PTPRD: variants seen among roughly 807,000 people sequenced by gnomAD.
PTPRD encodes receptor-type tyrosine-protein phosphatase delta.
PTPRD carries 34 observed loss-of-function variants against 214.5 expected under a neutral mutation model. That is an observed-to-expected ratio of 0.16 (90% CI 0.12 to 0.21). The LOEUF (loss-of-function observed/expected upper bound fraction) is 0.21, where lower values mean the gene tolerates loss of function less well. Among genes scored for constraint, PTPRD ranks in the 10% least tolerant of loss-of-function variants. The pLI is 1.00. For missense variants in PTPRD, 2,545 were observed against 2,398.7 expected, an observed-to-expected ratio of 1.06 and a Z score of -1.27; for synonymous variants, 1,128 against 845.7, an observed-to-expected ratio of 1.33 and a Z score of -5.79.
intron 4 of PTPRD, among the ~76,000 whole-genome samples, chr9:10,017,850 A>G (rs1374403546): frequency 1.3e-5 from 2 of 152,078 alleles, no homozygotes; most frequent in African/African-American, 2.4e-5. Flanking sequence ...GAATGCCCTC[A>G]TGTAAAATTG....
At chr9:8,844,484 T>C (rs945016235) in intron 11 of PTPRD, among the ~76,000 whole-genome samples, 1 of 152,234 alleles carries the variant, frequency 6.6e-6, no homozygotes, top group East Asian at 1.9e-4. Flanking sequence ...TTTAAAGGTT[T>C]CTATCATTTT....
At chr9:9,709,720 C>T (rs142589199) in intron 7 of PTPRD, among the ~76,000 whole-genome samples, 1 of 151,862 alleles carries the variant, frequency 6.6e-6, no homozygotes, top group Non-Finnish European at 1.5e-5. Context: ...CTTAAAGGGG[C>T]AAATTTTTAT....
At chr9:10,352,280 A>C (rs1244399608) in intron 2 of PTPRD, among the ~76,000 whole-genome samples, 2 of 151,736 alleles carry the variant, frequency 1.3e-5, no homozygotes, top group Non-Finnish European at 2.9e-5. Context: ...TTATACAAAC[A>C]CTCCTGCTGA....
At chr9:8,989,115 G>A (rs1002589608) in intron 11 of PTPRD, among the ~76,000 whole-genome samples, 24 of 151,794 alleles carry the variant, frequency 1.6e-4, no homozygotes, top group African/African-American at 5.6e-4. Context: ...ATATATTTTT[G>A]GGGGGCACAT....
At chr9:8,344,300 G>T (rs548063605) in intron 39 of PTPRD, among the ~76,000 whole-genome samples, 30 of 152,034 alleles carry the variant, frequency 2.0e-4, no homozygotes, top group African/African-American at 7.0e-4. Context: ...CTAGATAATG[G>T]CAGGACTATT....
intron 8 of PTPRD, among the ~76,000 whole-genome samples, chr9:9,483,991 A>G (rs1215617480): frequency 6.6e-6 from 1 of 151,914 alleles, no homozygotes; most frequent in African/African-American, 2.4e-5. Context: ...TCCACACCAT[A>G]TAATAGTATT....
chr9:10,532,583 T>A (rs1416151316), intron 2 of PTPRD, among the ~76,000 whole-genome samples: 3 of 147,820 alleles, frequency 2.0e-5, no homozygotes, highest in African/African-American at 7.4e-5. Context: ...ACTATATATA[T>A]ATTTATATAA....
intron 7 of PTPRD, among the ~76,000 whole-genome samples, chr9:9,716,956 A>T (rs1014235081): frequency 5.3e-5 from 8 of 152,062 alleles, no homozygotes; most frequent in African/African-American, 1.9e-4. Context: ...AATGCCTAGG[A>T]TGTCTTCTAG....
intron 2 of PTPRD, among the ~76,000 whole-genome samples, chr9:10,477,497 A>C (rs1367780528): frequency 6.6e-6 from 1 of 152,172 alleles, no homozygotes. Context: ...GTTGAAGAGG[A>C]TGTGGAGAAA....
At chr9:9,950,832 T>C (rs986407201) in intron 4 of PTPRD, among the ~76,000 whole-genome samples, 1 of 151,808 alleles carries the variant, frequency 6.6e-6, no homozygotes, top group Non-Finnish European at 1.5e-5. Context: ...ATTTTCCTCA[T>C]TTTTCCTTCC....
At chr9:9,376,354 T>C (rs769401056) in intron 9 of PTPRD, among the ~76,000 whole-genome samples, 4 of 152,182 alleles carry the variant, frequency 2.6e-5, no homozygotes, top group Non-Finnish European at 4.4e-5. Context: ...TGACTTTGGC[T>C]ATAGACAACT....
intron 2 of PTPRD, among the ~76,000 whole-genome samples, chr9:10,417,141 T>C (rs2098498862): frequency 6.6e-6 from 1 of 151,818 alleles, no homozygotes; most frequent in Non-Finnish European, 1.5e-5. Flanking sequence ...GAACTAGATA[T>C]GTTTCCAATT....
At chr9:10,272,695 A>G (rs1951786) in intron 3 of PTPRD, among the ~76,000 whole-genome samples, 130,328 of 152,264 alleles carry the variant, frequency 0.86, 55,832 homozygotes, top group East Asian at 0.96. Flanking sequence ...TTGAACTCAC[A>G]TAAGTAATAG....
chr9:8,841,250 G>C (rs549281157), intron 11 of PTPRD, among the ~76,000 whole-genome samples: 1 of 152,158 alleles, frequency 6.6e-6, no homozygotes, highest in South Asian at 2.1e-4. Flanking sequence ...CTTGAAAAAT[G>C]AGTGTCTTCA....
chr9:10,242,546 G>T (rs1056222964), intron 3 of PTPRD, among the ~76,000 whole-genome samples: 1 of 151,682 alleles, frequency 6.6e-6, no homozygotes, highest in Non-Finnish European at 1.5e-5. Flanking sequence ...CAGGCTTTCT[G>T]CTAGATCCAG....
intron 30 of PTPRD, among the ~76,000 whole-genome samples, chr9:8,481,390 G>C (rs553625637): frequency 6.6e-6 from 1 of 152,164 alleles, no homozygotes; most frequent in Non-Finnish European, 1.5e-5. Context: ...GGTTGTTTTA[G>C]GATGTGTATC....
At chr9:9,429,058 C>T (rs1199568900) in intron 8 of PTPRD, among the ~76,000 whole-genome samples, 1 of 152,016 alleles carries the variant, frequency 6.6e-6, no homozygotes, top group Non-Finnish European at 1.5e-5. Context: ...AAGATCAGAG[C>T]AGAACTGAAG....
intron 5 of PTPRD, among the ~76,000 whole-genome samples, chr9:9,882,863 C>T (rs7871802): frequency 0.19 from 28,496 of 152,060 alleles, 3,187 homozygotes; most frequent in African/African-American, 0.32. Flanking sequence ...GGTGAATCCC[C>T]TGTGAATGGC....
chr9:9,457,482 A>G (rs1197350994), intron 8 of PTPRD, among the ~76,000 whole-genome samples: 7 of 152,110 alleles, frequency 4.6e-5, no homozygotes, highest in Non-Finnish European at 7.4e-5. Context: ...GTTAAAGAAC[A>G]TAAAATTAAA....
Sources: gnomAD v4.1 joint callset for allele counts (sites outside exome capture counted in the v4.1 genomes callset) on GRCh38, gnomAD v4.1.1 for gene constraint, MANE v1.5 for transcripts, NCBI Gene and HGNC (gene_info 2026-07-23, HGNC 2026-07-21) for gene names.